The following GLRA3 variants were observed in gnomAD, a reference collection of about 807,000 sequenced individuals.
GLRA3 encodes the protein glycine receptor subunit alpha-3.
Under a neutral mutation model 60.4 loss-of-function variants are expected in GLRA3, and 44 were observed. The observed-to-expected ratio is 0.73, with a 90% CI of 0.57 to 0.94. GLRA3 has a LOEUF of 0.94. Among genes scored for constraint, GLRA3 ranks in the 40% least tolerant of loss-of-function variants. GLRA3 has a pLI of 0.00. For synonymous variants in GLRA3, 223 were observed against 192.9 expected, an observed-to-expected ratio of 1.16 and a Z score of -1.29; for missense variants, 508 against 564.6, an observed-to-expected ratio of 0.90 and a Z score of 1.02.
intron 1 of GLRA3, among the ~76,000 whole-genome samples, chr4:174,798,343 T>C (rs1316969133): frequency 2.0e-5 from 3 of 152,192 alleles, no homozygotes; most frequent in Non-Finnish European, 4.4e-5. Context: ...TGGGCTTTTC[T>C]AATTTGTAAG....
intron 3 of GLRA3, among the ~76,000 whole-genome samples, chr4:174,730,119 C>CT (rs770179813): frequency 7.9e-5 from 12 of 152,286 alleles, no homozygotes; most frequent in South Asian, 2.1e-4. Flanking sequence ...TTCACTTCAG[C>CT]TTTTTGCCAG....
Position 174,665,760 on chromosome 4 carries a change from T to C in GLRA3, c.928-6563A>G, listed in dbSNP as rs574169875. 2.0e-5 allele frequency among the ~76,000 whole-genome samples: 3 copies of C among 152,276 alleles called. No homozygotes were observed. The South Asian group carries it at 6.2e-4, about 32-fold the overall frequency. ...GAGCTAAGACAAAGGCCAGACCTTA[T>C]GCATTTTTGTATCTCTAGGATGCAG... On this transcript the variant is annotated intron_variant, in intron 7 of 9. Transcript: ENST00000274093.
At chr4:174,756,629 T>C (rs972379633) in intron 3 of GLRA3, among the ~76,000 whole-genome samples, 1 of 147,422 alleles carries the variant, frequency 6.8e-6, no homozygotes, top group South Asian at 2.2e-4. Flanking sequence ...AAACCTACAG[T>C]TAATGCCATT....
rs191480759 is a variant in GLRA3 at position 174,642,844 on chromosome 4, T to C, written c.*942A>G. On this transcript the variant is annotated 3_prime_UTR_variant, in exon 10 of 10. Transcript: ENST00000274093. The stretch of plus-strand genomic sequence containing the variant: ...CATTTTGTTTTCATTGTATTCATTT[T>C]TATCAAAATGTAAATACTTTAATCC... 1 of 751,948 alleles carries C rather than the reference T, an allele frequency of 1.3e-6. No individual in the cohort carries two copies. The highest frequency in any genetic ancestry group is 1.3e-4 in the East Asian group (1 of 7,768). The allele number at this position is 751,948 out of a possible 1,614,324, so 46.6% of individuals were successfully genotyped here.
chr4:174,695,957 A>C (rs1026752514), intron 5 of GLRA3, among the ~76,000 whole-genome samples: 9 of 152,168 alleles, frequency 5.9e-5, no homozygotes, highest in African/African-American at 2.2e-4. Context: ...AGCCACACTG[A>C]GAGCCAAATC....
intron 3 of GLRA3, among the ~76,000 whole-genome samples, chr4:174,733,778 G>C (rs2111149548): frequency 6.6e-6 from 1 of 152,238 alleles, no homozygotes; most frequent in South Asian, 2.1e-4. Context: ...ACATGGCCCT[G>C]CATGGGATGC....
At position 174,828,727 on chromosome 4, in the gene GLRA3, C is replaced by A; in HGVS notation, c.71+14G>T. On this transcript the variant is annotated intron_variant, in intron 1 of 9. Coordinates refer to ENST00000274093, the MANE Select transcript of GLRA3 (RefSeq NM_006529.4). ...TTAATGAGTTCTCCGACTGTTAAAT[C>A]CAAGCGAACTCACCTGAGTAACAGT... 6.4e-7 allele frequency: 1 copy of A among 1,563,992 alleles called. No homozygotes were observed. Among genetic ancestry groups the A allele is most frequent in the East Asian group, 2.2e-5 (1 of 44,660 alleles).
At chr4:174,656,864 C>T (rs1477051500) in intron 8 of GLRA3, 77 bp from the exon 9 acceptor site, 4 of 833,072 alleles carry the variant, frequency 4.8e-6, no homozygotes, top group African/African-American at 1.7e-5. Flanking sequence ...TATAATTACA[C>T]AATTGGTTGT....
intron 1 of GLRA3, among the ~76,000 whole-genome samples, chr4:174,799,356 T>C (rs983043183): frequency 6.6e-6 from 1 of 152,192 alleles, no homozygotes; most frequent in African/African-American, 2.4e-5. Flanking sequence ...GCCATGGCAG[T>C]GCTAAAAACA....
At chr4:174,797,071 G>GAAATA (rs1218622600) in intron 1 of GLRA3, among the ~76,000 whole-genome samples, 4 of 152,184 alleles carry the variant, frequency 2.6e-5, no homozygotes, top group Admixed American at 2.0e-4. Flanking sequence ...CTCTAAATTT[G>GAAATA]AAATAGCCCA....
intron 1 of GLRA3, among the ~76,000 whole-genome samples, chr4:174,804,143 C>T (rs529462888): frequency 1.3e-5 from 2 of 152,162 alleles, no homozygotes; most frequent in South Asian, 2.1e-4. Context: ...TTATATAAAA[C>T]TCAGTGAAAA....
At chr4:174,817,790 A>T (rs2111388161) in intron 1 of GLRA3, among the ~76,000 whole-genome samples, 1 of 152,194 alleles carries the variant, frequency 6.6e-6, no homozygotes, top group African/African-American at 2.4e-5. Context: ...TATTTTTAGT[A>T]GAGATGGGGT....
intron 1 of GLRA3, among the ~76,000 whole-genome samples, chr4:174,824,318 T>G (rs1740869362): frequency 1.3e-5 from 2 of 152,238 alleles, no homozygotes; most frequent in South Asian, 4.1e-4. Flanking sequence ...TTTCTTTACA[T>G]AGCTCTTAAA....
At chr4:174,692,442 C>G (rs1476801169) in intron 5 of GLRA3, among the ~76,000 whole-genome samples, 1 of 151,254 alleles carries the variant, frequency 6.6e-6, no homozygotes, top group African/African-American at 2.4e-5. Flanking sequence ...GGAGGTGTAC[C>G]CAACAGCTCA....
At chr4:174,657,975 G>A (rs1027668424) in intron 8 of GLRA3, among the ~76,000 whole-genome samples, 3 of 152,118 alleles carry the variant, frequency 2.0e-5, no homozygotes, top group African/African-American at 7.2e-5. Flanking sequence ...TAAAGTTACT[G>A]CTTTAGAATA....
At chr4:174,698,459 G>A (rs1184287806) in intron 5 of GLRA3, among the ~76,000 whole-genome samples, 1 of 152,102 alleles carries the variant, frequency 6.6e-6, no homozygotes, top group Non-Finnish European at 1.5e-5. Flanking sequence ...AAATTGTTGG[G>A]ATTACAAGTG....
At chr4:174,693,228 T>C (rs1377579259) in intron 5 of GLRA3, among the ~76,000 whole-genome samples, 1 of 152,252 alleles carries the variant, frequency 6.6e-6, no homozygotes, top group African/African-American at 2.4e-5. Flanking sequence ...ATGAAATCTT[T>C]GTCCATTTTT....
chr4:174,686,151 G>A (rs1734546295), intron 5 of GLRA3, among the ~76,000 whole-genome samples: 2 of 152,290 alleles, frequency 1.3e-5, no homozygotes, highest in East Asian at 1.9e-4. Context: ...AATAGTAAGA[G>A]GCCATGGTTG....
chr4:174,641,171 T>C lies in GLRA3; in HGVS notation c.*2615A>G, dbSNP rs1732614591. Reference sequence around the variant, plus strand: ...GCATACATGAAAATCCCATATTTTCTAATGTGGCTATTTTAAAATACTTCA... The same window carrying C: ...GCATACATGAAAATCCCATATTTTCCAATGTGGCTATTTTAAAATACTTCA... On this transcript the variant is annotated 3_prime_UTR_variant, in exon 10 of 10. Transcript: ENST00000274093. 6.6e-6 allele frequency: 1 copy of C among 152,156 alleles called. No homozygotes were observed. The highest frequency in any genetic ancestry group is 1.5e-5 in the Non-Finnish European group (1 of 67,974). 9.4% of individuals were successfully genotyped at this position (152,156 alleles called of 1,614,324 possible). A position where few individuals can be genotyped will look rare whatever the true frequency, so the allele number is the denominator to read the frequency against.
Sources: allele counts gnomAD v4.1 joint callset (sites outside exome capture counted in the v4.1 genomes callset), GRCh38; gene constraint gnomAD v4.1.1; transcripts MANE v1.5; gene names NCBI Gene and HGNC (gene_info 2026-07-23, HGNC 2026-07-21).